Variants in CADM2 observed in about 807,000 individuals in gnomAD.
CADM2 encodes immunoglobulin superfamily member 4D.
A neutral mutation model predicts 49.8 loss-of-function variants in CADM2; 12 were observed. The ratio of observed to expected loss-of-function variants is 0.24; its 90% CI spans 0.15 to 0.39. The LOEUF is 0.39. Among genes scored for constraint, CADM2 ranks in the 10% least tolerant of loss-of-function variants. CADM2 has a pLI of 1.00. For synonymous variants in CADM2, 214 were observed against 175.4 expected, an observed-to-expected ratio of 1.22 and a Z score of -1.74; for missense variants, 378 against 492.3, an observed-to-expected ratio of 0.77 and a Z score of 2.20.
chr3:85,242,683 T>A (rs904639479), intron 1 of CADM2, among the ~76,000 whole-genome samples: 7 of 151,786 alleles, frequency 4.6e-5, no homozygotes, highest in Non-Finnish European at 7.4e-5. Flanking sequence ...TACACTGGTA[T>A]TTTTTAAAGA....
chr3:85,758,002 G>T (rs938315797), intron 2 of CADM2, among the ~76,000 whole-genome samples: 2 of 152,124 alleles, frequency 1.3e-5, no homozygotes, highest in African/African-American at 2.4e-5. Flanking sequence ...AAAGTGTAAA[G>T]TTACGTTGCT....
chr3:85,068,163 C>A (rs1174834337), intron 1 of CADM2, among the ~76,000 whole-genome samples: 1 of 152,184 alleles, frequency 6.6e-6, no homozygotes, highest in Non-Finnish European at 1.5e-5. Context: ...TATAACATTT[C>A]TCTGGCAGTT....
intron 1 of CADM2, among the ~76,000 whole-genome samples, chr3:85,643,352 T>C (rs2107558826): frequency 6.6e-6 from 1 of 152,338 alleles, no homozygotes; most frequent in East Asian, 1.9e-4. Flanking sequence ...TAGTGACAAG[T>C]AGACGTTAAT....
At chr3:85,848,578 T>C (rs148745501) in intron 3 of CADM2, among the ~76,000 whole-genome samples, 2 of 152,316 alleles carry the variant, frequency 1.3e-5, no homozygotes, top group Non-Finnish European at 2.9e-5. Context: ...CTGCATTTTA[T>C]TTTCTGGCAA....
At chr3:85,915,968 A>G (rs1397437979) in intron 6 of CADM2, among the ~76,000 whole-genome samples, 1 of 152,186 alleles carries the variant, frequency 6.6e-6, no homozygotes, top group East Asian at 1.9e-4. Flanking sequence ...TAAGAAATTA[A>G]AGATAAACAT....
In CADM2 at chr3:85,186,468, T is replaced by C. The variant is rs183783730; in HGVS notation, c.61+226800T>C. On this transcript the variant is annotated intron_variant, in intron 1 of 9. Transcript: ENST00000383699. ...TAGTAAGAAAAACTTGTAGATACAT[T>C]TTAACCTTTTCAGGCATGTTTCTTT... Among the ~76,000 whole-genome samples, 51 of 152,280 alleles carry C rather than the reference T, an allele frequency of 3.3e-4. 1 individual carries two copies. The East Asian group carries it at 9.9e-3, about 29-fold the overall frequency.
chr3:85,404,375 G>T (rs57803625), intron 1 of CADM2, among the ~76,000 whole-genome samples: 1 of 151,792 alleles, frequency 6.6e-6, no homozygotes, highest in South Asian at 2.1e-4. Flanking sequence ...TTGATTTTCC[G>T]CATAAAAAAT....
chr3:85,484,794 A>T (rs2039351455), intron 1 of CADM2, among the ~76,000 whole-genome samples: 2 of 151,986 alleles, frequency 1.3e-5, no homozygotes, highest in Admixed American at 1.3e-4. Flanking sequence ...TTGATGGTTT[A>T]TCAAATCATA....
At chr3:85,405,286 A>G (rs552303948) in intron 1 of CADM2, among the ~76,000 whole-genome samples, 1 of 152,292 alleles carries the variant, frequency 6.6e-6, no homozygotes, top group African/African-American at 2.4e-5. Context: ...TTGATTGATA[A>G]TAGTACAAAT....
At chr3:85,948,810 T>C (rs1289414315) in intron 7 of CADM2, among the ~76,000 whole-genome samples, 2 of 151,544 alleles carry the variant, frequency 1.3e-5, no homozygotes, top group African/African-American at 2.4e-5. Context: ...CCAATGTGAA[T>C]AGGCAGACTT....
At chr3:85,463,323 T>C (rs532916820) in intron 1 of CADM2, among the ~76,000 whole-genome samples, 15 of 152,258 alleles carry the variant, frequency 9.9e-5, no homozygotes, top group African/African-American at 2.9e-4. Flanking sequence ...TCTAAGGGGC[T>C]CTTCTCATAT....
At chr3:85,688,876 CAGT>C (rs1227585702) in intron 1 of CADM2, among the ~76,000 whole-genome samples, 1 of 152,094 alleles carries the variant, frequency 6.6e-6, no homozygotes, top group Non-Finnish European at 1.5e-5. Context: ...CCAAATTTCA[CAGT>C]TTCTTAAAAA....
At position 85,837,227 on chromosome 3, in the gene CADM2, C is replaced by T. The variant is rs575471887; in HGVS notation, c.238+35031C>T. 1.3e-3 allele frequency among the ~76,000 whole-genome samples: 190 copies of T among 151,690 alleles called. 3 individuals are homozygous for T. In the South Asian group the frequency reaches 0.038, roughly 30 times the overall value. The stretch of plus-strand genomic sequence containing the variant: ...TTTGATGAGTTAAATCTGGGGATCT[C>T]TGCTTCACTTCTTGAAATGTATAAA... On this transcript the variant is annotated intron_variant, in intron 3 of 9. Coordinates refer to ENST00000383699, the MANE Select transcript of CADM2 (RefSeq NM_001167675.2).
At chr3:85,456,894 T>C (rs2038016727) in intron 1 of CADM2, among the ~76,000 whole-genome samples, 1 of 151,752 alleles carries the variant, frequency 6.6e-6, no homozygotes, top group South Asian at 2.1e-4. Flanking sequence ...ACAGCACTCA[T>C]TGTCAGGCTG....
At chr3:85,039,697 C>G (rs545580313) in intron 1 of CADM2, among the ~76,000 whole-genome samples, 1 of 152,046 alleles carries the variant, frequency 6.6e-6, no homozygotes, top group Non-Finnish European at 1.5e-5. Flanking sequence ...ATAATGAGAC[C>G]AGTAGGAAAG....
intron 1 of CADM2, among the ~76,000 whole-genome samples, chr3:85,577,155 T>C (rs1351830807): frequency 2.0e-5 from 3 of 152,182 alleles, no homozygotes; most frequent in Non-Finnish European, 4.4e-5. Flanking sequence ...CCAGTTTACA[T>C]TGTGCATTCA....
At chr3:85,830,797 T>TTTCATTTA (rs2074147744) in intron 3 of CADM2, among the ~76,000 whole-genome samples, 1 of 142,100 alleles carries the variant, frequency 7.0e-6, no homozygotes, top group African/African-American at 2.6e-5. Context: ...TCTTTGTGCA[T>TTTCATTTA]TTTATTTATT....
intron 1 of CADM2, among the ~76,000 whole-genome samples, chr3:85,576,451 TA>T (rs573467054): frequency 2.0e-5 from 3 of 151,938 alleles, no homozygotes; most frequent in African/African-American, 7.3e-5. Context: ...TCTGACAATT[TA>T]AAAAAAATGA....
chr3:85,528,308 A>G (rs2061216759), intron 1 of CADM2, among the ~76,000 whole-genome samples: 1 of 134,526 alleles, frequency 7.4e-6, no homozygotes, highest in African/African-American at 2.5e-5. Context: ...ACAATGGGAG[A>G]AACATCAGCA....
Sources: allele counts gnomAD v4.1 joint callset (sites outside exome capture counted in the v4.1 genomes callset), GRCh38; gene constraint gnomAD v4.1.1; transcripts MANE v1.5; gene names NCBI Gene and HGNC (gene_info 2026-07-23, HGNC 2026-07-21).